The following AGBL4 variants were observed in gnomAD, a reference collection of about 807,000 sequenced individuals.
AGBL4 encodes the protein AGBL carboxypeptidase 4, also known as cytosolic carboxypeptidase 6.
Under a neutral mutation model 66.4 loss-of-function variants are expected in AGBL4, and 58 were observed. That is an observed-to-expected ratio of 0.87 (90% CI 0.71 to 1.09). The LOEUF (loss-of-function observed/expected upper bound fraction) is 1.09, where lower values mean the gene tolerates loss of function less well. Ranked by LOEUF, AGBL4 falls within the 50% of genes least tolerant of loss-of-function variation. AGBL4 has a pLI of 0.00. For synonymous variants in AGBL4, 234 were observed against 222.9 expected, an observed-to-expected ratio of 1.05 and a Z score of -0.44; for missense variants, 579 against 631.0, an observed-to-expected ratio of 0.92 and a Z score of 0.88.
chr1:49,053,628 G>A (rs11581331), intron 4 of AGBL4, among the ~76,000 whole-genome samples: 66,322 of 151,900 alleles, frequency 0.44, 16,919 homozygotes, highest in Non-Finnish European at 0.58. Context: ...TAGTCTGAAT[G>A]CTCTTGACAC....
At chr1:49,843,851 G>A (rs531935153) in intron 2 of AGBL4, among the ~76,000 whole-genome samples, 20 of 152,302 alleles carry the variant, frequency 1.3e-4, no homozygotes, top group Middle Eastern at 6.8e-3. Context: ...TGTGGGGTCA[G>A]GGTAGGGGCA....
intron 6 of AGBL4, among the ~76,000 whole-genome samples, chr1:48,730,365 TA>T (rs1647902886): frequency 1.3e-5 from 2 of 152,296 alleles, no homozygotes; most frequent in Middle Eastern, 6.8e-3. Context: ...GTGCAACCTC[TA>T]GGGGGGACTT....
At chr1:49,062,951 C>G (rs886777037) in intron 4 of AGBL4, among the ~76,000 whole-genome samples, 1 of 152,156 alleles carries the variant, frequency 6.6e-6, no homozygotes, top group Non-Finnish European at 1.5e-5. Flanking sequence ...ATTTATTAAT[C>G]TTAGAAGCTC....
intron 6 of AGBL4, among the ~76,000 whole-genome samples, chr1:48,778,653 C>A (rs2148715258): frequency 6.6e-6 from 1 of 152,162 alleles, no homozygotes; most frequent in African/African-American, 2.4e-5. Flanking sequence ...TCCTTGTATT[C>A]ATTGTGTGTG....
intron 2 of AGBL4, among the ~76,000 whole-genome samples, chr1:49,719,903 G>A (rs1022171034): frequency 5.9e-5 from 9 of 152,010 alleles, no homozygotes; most frequent in African/African-American, 2.2e-4. Flanking sequence ...AGAAGGATGT[G>A]TTTGCTTCCC....
intron 5 of AGBL4, among the ~76,000 whole-genome samples, chr1:48,883,320 C>T (rs4926770): frequency 0.5 from 76,518 of 152,034 alleles, 22,246 homozygotes; most frequent in Non-Finnish European, 0.67. Flanking sequence ...TAACAGGTGT[C>T]AGGTGATGTC....
intron 5 of AGBL4, among the ~76,000 whole-genome samples, chr1:48,942,317 G>C (rs375198256): frequency 0.013 from 1,939 of 151,986 alleles, 48 homozygotes; most frequent in African/African-American, 0.041. Context: ...TGGTGGGGGG[G>C]GGGGGTTGTG....
intron 6 of AGBL4, among the ~76,000 whole-genome samples, chr1:48,725,550 C>G (rs963838574): frequency 2.6e-5 from 4 of 152,178 alleles, no homozygotes; most frequent in Non-Finnish European, 4.4e-5. Flanking sequence ...TGGGTTTCCC[C>G]TAAACATGTC....
At position 49,207,298 on chromosome 1, in the gene AGBL4, A is replaced by T. The variant is rs553994255; in HGVS notation, c.377+38472T>A. Among the ~76,000 whole-genome samples the T allele has an allele frequency of 2.6e-5, 4 of 152,122 alleles. No homozygotes were observed. In the South Asian group the frequency reaches 8.3e-4, roughly 32 times the overall value. Reference sequence around the variant, plus strand: ...TCTGGAAAGGACTGCGGCAGATCAAAAAGCAGAATGATGCTCCTTTGAGGG... The same window carrying T: ...TCTGGAAAGGACTGCGGCAGATCAATAAGCAGAATGATGCTCCTTTGAGGG... On this transcript the variant is annotated intron_variant, in intron 4 of 13. Transcript: ENST00000371839.
In AGBL4 at chr1:49,694,705, A is replaced by G. The variant is rs1646951492; in HGVS notation, c.282+2608T>C. On this transcript the variant is annotated intron_variant, in intron 3 of 13. Coordinates refer to ENST00000371839, the MANE Select transcript of AGBL4 (RefSeq NM_032785.4). ...TTGCAAAAGAGGCTGTATAGCTTCGACATGTAATAAGTAAGTTATAACACT... is the reference window on the plus strand; with the variant it reads ...TTGCAAAAGAGGCTGTATAGCTTCGGCATGTAATAAGTAAGTTATAACACT... Among the ~76,000 whole-genome samples the G allele has an allele frequency of 3.9e-5, 6 of 152,220 alleles. No individual in the cohort carries two copies. The South Asian group carries it at 1.2e-3, about 32-fold the overall frequency.
intron 3 of AGBL4, among the ~76,000 whole-genome samples, chr1:49,569,482 T>C (rs938906982): frequency 6.6e-6 from 1 of 152,158 alleles, no homozygotes; most frequent in Admixed American, 6.5e-5. Context: ...ATGTACCCCA[T>C]AAATATATAT....
chr1:48,971,475 G>A (rs1280673682), intron 5 of AGBL4, among the ~76,000 whole-genome samples: 1 of 151,852 alleles, frequency 6.6e-6, no homozygotes, highest in Non-Finnish European at 1.5e-5. Context: ...ATAGTATTGA[G>A]GGGAAAAAAA....
intron 1 of AGBL4, chr1:49,995,026 A>G (rs569761043): frequency 2.3e-6 from 1 of 425,856 alleles, no homozygotes; most frequent in African/African-American, 2.0e-5. Flanking sequence ...ACTTTGTCTC[A>G]GAGGGGTCCA....
intron 3 of AGBL4, among the ~76,000 whole-genome samples, chr1:49,607,999 C>G (rs1035233335): frequency 5.3e-5 from 8 of 152,106 alleles, no homozygotes; most frequent in African/African-American, 1.9e-4. Context: ...TAGATTTATT[C>G]ACTTGTCAAA....
At chr1:48,546,864 AACACACACACACACACAC>A in intron 11 of AGBL4, among the ~76,000 whole-genome samples, 1 of 128,380 alleles carries the variant, frequency 7.8e-6, no homozygotes, top group East Asian at 2.3e-4. Context: ...AAAACAAACA[AACACACACACACACACAC>A]ACACACACAC....
intron 9 of AGBL4, among the ~76,000 whole-genome samples, chr1:48,593,895 T>C (rs1261987861): frequency 6.6e-6 from 1 of 152,208 alleles, no homozygotes; most frequent in Non-Finnish European, 1.5e-5. Flanking sequence ...CTTGACAATA[T>C]AGGTGGAATA....
chr1:49,426,671 T>G (rs1244484013), intron 3 of AGBL4, among the ~76,000 whole-genome samples: 2 of 151,742 alleles, frequency 1.3e-5, no homozygotes, highest in Non-Finnish European at 2.9e-5. Context: ...TCATATTTCA[T>G]TTGACCTTCA....
intron 3 of AGBL4, among the ~76,000 whole-genome samples, chr1:49,273,561 A>C (rs1644105772): frequency 6.6e-6 from 1 of 150,644 alleles, no homozygotes; most frequent in Non-Finnish European, 1.5e-5. Context: ...TGTTTATAAG[A>C]TTTTATTAAA....
At chr1:49,475,090 T>C (rs1646820955) in intron 3 of AGBL4, among the ~76,000 whole-genome samples, 2 of 152,048 alleles carry the variant, frequency 1.3e-5, no homozygotes, top group African/African-American at 4.8e-5. Flanking sequence ...AGATGGCTTT[T>C]ATTATTTTGA....
Sources: allele counts gnomAD v4.1 joint callset (sites outside exome capture counted in the v4.1 genomes callset), GRCh38; gene constraint gnomAD v4.1.1; transcripts MANE v1.5; gene names NCBI Gene and HGNC (gene_info 2026-07-23, HGNC 2026-07-21).